Variants in HDAC4 observed in about 807,000 individuals in gnomAD.
HDAC4 encodes histone deacetylase 4.
A neutral mutation model predicts 135.1 loss-of-function variants in HDAC4; 16 were observed. The observed-to-expected ratio is 0.12, with a 90% CI of 0.08 to 0.18. The LOEUF (loss-of-function observed/expected upper bound fraction) is 0.18. HDAC4 is among the 10% of genes least tolerant of loss of function. HDAC4 has a pLI of 1.00. For missense variants in HDAC4, 1,143 were observed against 1,511.8 expected, an observed-to-expected ratio of 0.76 and a Z score of 4.05; for synonymous variants, 685 against 653.4, an observed-to-expected ratio of 1.05 and a Z score of -0.74.
chr2:239,208,326 C>CAAAAAAAAAAAAAAAAAAAAAAAAAAAAA (rs759398313), intron 3 of HDAC4, among the ~76,000 whole-genome samples: 1 of 68,210 alleles, frequency 1.5e-5, no homozygotes, highest in Non-Finnish European at 2.4e-5. Flanking sequence ...GACTCCGTCC[C>CAAAAAAAAAAAAAAAAAAAAAAAAAAAAA]AAAAAAAAAA....
At chr2:239,065,201 C>T (rs1023175364) in intron 24 of HDAC4, among the ~76,000 whole-genome samples, 9 of 152,268 alleles carry the variant, frequency 5.9e-5, no homozygotes, top group East Asian at 1.9e-4. Flanking sequence ...CAGGCCAGAG[C>T]GCCTGTCAGT....
chr2:239,110,066 G>A (rs2038533898), intron 14 of HDAC4, among the ~76,000 whole-genome samples: 1 of 152,154 alleles, frequency 6.6e-6, no homozygotes, highest in African/African-American at 2.4e-5. Context: ...GAGAGTGTGA[G>A]GTACTAACAG....
intron 2 of HDAC4, among the ~76,000 whole-genome samples, chr2:239,242,455 T>C (rs1373404138): frequency 1.3e-5 from 2 of 152,240 alleles, no homozygotes; most frequent in African/African-American, 4.8e-5. Context: ...ATTTCCATTA[T>C]CAATTTCTGT....
intron 6 of HDAC4, among the ~76,000 whole-genome samples, chr2:239,163,447 C>A (rs1235752892): frequency 6.6e-6 from 1 of 152,112 alleles, no homozygotes; most frequent in Non-Finnish European, 1.5e-5. Context: ...GACCCCCAGA[C>A]CACGTCACTC....
chr2:239,312,937 C>T (rs550595655), intron 2 of HDAC4, among the ~76,000 whole-genome samples: 35 of 152,328 alleles, frequency 2.3e-4, no homozygotes, highest in East Asian at 3.9e-4. Flanking sequence ...TGGGGGCGGC[C>T]GGCCAGCAGG....
chr2:239,384,981 G>A (rs955593205), intron 1 of HDAC4, among the ~76,000 whole-genome samples: 2 of 152,128 alleles, frequency 1.3e-5, no homozygotes, highest in African/African-American at 4.8e-5. Flanking sequence ...GGGCTCCAGC[G>A]AGCCAGGATA....
chr2:239,379,077 A>G (rs556433954), intron 1 of HDAC4, among the ~76,000 whole-genome samples: 9 of 152,314 alleles, frequency 5.9e-5, no homozygotes, highest in African/African-American at 2.2e-4. Flanking sequence ...CACAAAGGGA[A>G]GAAACGCTCC....
intron 2 of HDAC4, among the ~76,000 whole-genome samples, chr2:239,287,611 GGAGA>G (rs891598479): frequency 6.6e-6 from 1 of 152,274 alleles, no homozygotes; most frequent in African/African-American, 2.4e-5. Context: ...TCCAACCTCG[GGAGA>G]GAGAGAACAC....
chr2:239,203,063 C>T (rs775300827), intron 3 of HDAC4, among the ~76,000 whole-genome samples: 2 of 152,220 alleles, frequency 1.3e-5, no homozygotes, highest in Non-Finnish European at 2.9e-5. Context: ...GCCCTACAGG[C>T]ACACAGCCCT....
chr2:239,102,638 G>T, intron 16 of HDAC4, 138 bp downstream of exon 16: 1 of 928,140 alleles, frequency 1.1e-6, no homozygotes, highest in Non-Finnish European at 1.7e-6. Flanking sequence ...AGGGTGAAAG[G>T]TTCCCTTTCA....
At chr2:239,264,437 G>T (rs1410824854) in intron 2 of HDAC4, among the ~76,000 whole-genome samples, 1 of 152,234 alleles carries the variant, frequency 6.6e-6, no homozygotes, top group Admixed American at 6.5e-5. Flanking sequence ...GCTAATGTAA[G>T]ACTACACATG....
intron 2 of HDAC4, among the ~76,000 whole-genome samples, chr2:239,293,635 G>A (rs958576202): frequency 6.6e-6 from 1 of 152,158 alleles, no homozygotes; most frequent in South Asian, 2.1e-4. Flanking sequence ...CAACGCACAG[G>A]GCACCTCCAG....
At chr2:239,144,440 C>T (rs541974208) in intron 8 of HDAC4, 143 bp downstream of exon 8, 208 of 1,090,522 alleles carry the variant, frequency 1.9e-4, no homozygotes, top group Non-Finnish European at 2.6e-4. Flanking sequence ...GCACTTCCAG[C>T]GCCATGGGAA....
intron 2 of HDAC4, among the ~76,000 whole-genome samples, chr2:239,278,737 CTTTAATT>C (rs1486014582): frequency 6.6e-6 from 1 of 152,242 alleles, no homozygotes. Context: ...CTGTGGTTTG[CTTTAATT>C]CACCTTCTAA....
At chr2:239,119,690 T>A (rs1230546693) in intron 12 of HDAC4, among the ~76,000 whole-genome samples, 1 of 152,062 alleles carries the variant, frequency 6.6e-6, no homozygotes, top group Non-Finnish European at 1.5e-5. Context: ...AGCTCAGGGC[T>A]GAGGAGGTGT....
intron 2 of HDAC4, among the ~76,000 whole-genome samples, chr2:239,261,521 G>A (rs530003431): frequency 3.7e-4 from 56 of 152,246 alleles, no homozygotes; most frequent in African/African-American, 1.3e-3. Flanking sequence ...GACAAAACAC[G>A]CTTCAACAGT....
intron 4 of HDAC4, among the ~76,000 whole-genome samples, chr2:239,185,637 A>G (rs2044501276): frequency 6.6e-6 from 1 of 152,106 alleles, no homozygotes; most frequent in South Asian, 2.1e-4. Context: ...AGCCTGGAGC[A>G]TGCTCTAGCC....
In HDAC4 at chr2:239,093,745, C is replaced by T. The variant is rs567950393; in HGVS notation, c.2280+1265G>A. On this transcript the variant is annotated intron_variant, in intron 17 of 26. Transcript: ENST00000543185. ...AACACTTGGGAGGGGCTGCTGGGCT[C>T]ACCCCCTCAGCTCTGAGTCTGCACT... is the stretch of plus-strand genomic sequence containing the variant. 3.9e-5 allele frequency among the ~76,000 whole-genome samples: 6 copies of T among 152,330 alleles called. No individual in the cohort carries two copies. The South Asian group carries it at 1.2e-3, about 32-fold the overall frequency.
At chr2:239,190,288 G>C (rs1235857670) in intron 3 of HDAC4, among the ~76,000 whole-genome samples, 1 of 151,894 alleles carries the variant, frequency 6.6e-6, no homozygotes, top group Non-Finnish European at 1.5e-5. Context: ...TTCCTCAAGG[G>C]CAAAAACCAC....
Sources: gnomAD v4.1 joint callset for allele counts (sites outside exome capture counted in the v4.1 genomes callset) on GRCh38, gnomAD v4.1.1 for gene constraint, MANE v1.5 for transcripts, NCBI Gene and HGNC (gene_info 2026-07-23, HGNC 2026-07-21) for gene names.